The following NELL2 variants were observed in gnomAD, a reference collection of about 807,000 sequenced individuals.
The protein encoded by NELL2 is protein kinase C-binding protein NELL2.
In NELL2, 41 loss-of-function variants were observed where a neutral mutation model predicts 109.6. That is an observed-to-expected ratio of 0.37 (90% CI 0.29 to 0.49). The LOEUF (loss-of-function observed/expected upper bound fraction) is 0.49. NELL2 is among the 20% of genes least tolerant of loss of function. The probability of loss-of-function intolerance (pLI) is 0.98; values close to 1 mark genes in which losing one functional copy is unlikely to be tolerated. For missense variants in NELL2, 900 were observed against 1,008.3 expected (o/e 0.89, Z 1.45); for synonymous variants, 355 against 344.7 (o/e 1.03, Z -0.33).
intron 12 of NELL2, among the ~76,000 whole-genome samples, chr12:44,692,272 A>G (rs1050861201): frequency 6.6e-6 from 1 of 152,188 alleles, no homozygotes; most frequent in African/African-American, 2.4e-5. Flanking sequence ...AAATGGAACA[A>G]TGAAGCCTAG....
chr12:44,656,743 T>C (rs7968076), intron 13 of NELL2, among the ~76,000 whole-genome samples: 89,569 of 152,048 alleles, frequency 0.59, 27,100 homozygotes, highest in African/African-American at 0.73. Context: ...TTCTTACTTC[T>C]TTTACCATTT....
intron 13 of NELL2, among the ~76,000 whole-genome samples, chr12:44,634,303 CT>C (rs1414534007): frequency 1.6e-4 from 25 of 152,074 alleles, no homozygotes; most frequent in Non-Finnish European, 3.5e-4. Flanking sequence ...GGTATTTCTG[CT>C]AATGCTATCC....
chr12:44,656,218 G>C (rs1188809814), intron 13 of NELL2, among the ~76,000 whole-genome samples: 1 of 152,074 alleles, frequency 6.6e-6, no homozygotes, highest in African/African-American at 2.4e-5. Flanking sequence ...TTTAGTCCCT[G>C]GGTATCACAA....
intron 15 of NELL2, among the ~76,000 whole-genome samples, chr12:44,570,616 T>G (rs1187917467): frequency 6.6e-6 from 1 of 152,154 alleles, no homozygotes; most frequent in East Asian, 1.9e-4. Context: ...AACTCAAAAT[T>G]TTACACTAAT....
At chr12:44,653,439 G>A (rs1000444335) in intron 13 of NELL2, among the ~76,000 whole-genome samples, 1 of 152,184 alleles carries the variant, frequency 6.6e-6, no homozygotes, top group Non-Finnish European at 1.5e-5. Context: ...GGGGGCCAGG[G>A]AAAGATCACG....
chr12:44,650,205 C>T (rs1310540733), intron 13 of NELL2, among the ~76,000 whole-genome samples: 2 of 152,016 alleles, frequency 1.3e-5, no homozygotes, highest in East Asian at 3.9e-4. Flanking sequence ...TCATTGACTG[C>T]TATTCCCTTT....
intron 2 of NELL2, among the ~76,000 whole-genome samples, chr12:44,829,367 G>C (rs192309126): frequency 6.6e-6 from 1 of 152,218 alleles, no homozygotes; most frequent in South Asian, 2.1e-4. Context: ...TTAAGAATCA[G>C]TAATTTGCTA....
At chr12:44,591,913 TA>T (rs1944767143) in intron 15 of NELL2, among the ~76,000 whole-genome samples, 1 of 152,158 alleles carries the variant, frequency 6.6e-6, no homozygotes, top group Admixed American at 6.5e-5. Flanking sequence ...CTTAAAATTT[TA>T]AAAATTAAAG....
At chr12:44,777,366 T>C in intron 5 of NELL2, 52 bp from the exon 6 acceptor site, 2 of 1,407,852 alleles carry the variant, frequency 1.4e-6, no homozygotes, top group South Asian at 1.2e-5. Context: ...TTACCCAAAT[T>C]ATGTTCAATG....
At chr12:44,794,890 G>A (rs1942564650) in intron 3 of NELL2, among the ~76,000 whole-genome samples, 1 of 149,950 alleles carries the variant, frequency 6.7e-6, no homozygotes, top group African/African-American at 2.5e-5. Flanking sequence ...TGTCACACTT[G>A]AACATATCTT....
intron 9 of NELL2, among the ~76,000 whole-genome samples, chr12:44,744,144 A>T (rs928583169): frequency 1.1e-4 from 16 of 152,140 alleles, no homozygotes; most frequent in Admixed American, 5.2e-4. Flanking sequence ...GGATTAAGAA[A>T]CTCACTCAAA....
At chr12:44,786,860 G>A (rs1028074781) in intron 3 of NELL2, among the ~76,000 whole-genome samples, 4 of 151,940 alleles carry the variant, frequency 2.6e-5, no homozygotes, top group African/African-American at 7.3e-5. Flanking sequence ...AGAACATCAC[G>A]TACCGGGGCC....
At chr12:44,809,612 T>C (rs1419665156) in intron 3 of NELL2, among the ~76,000 whole-genome samples, 1 of 152,190 alleles carries the variant, frequency 6.6e-6, no homozygotes, top group East Asian at 1.9e-4. Context: ...AGGAACACCA[T>C]TTGAAACCAG....
At chr12:44,627,819 A>G (rs1387593959) in intron 13 of NELL2, among the ~76,000 whole-genome samples, 1 of 152,254 alleles carries the variant, frequency 6.6e-6, no homozygotes, top group African/African-American at 2.4e-5. Flanking sequence ...GCTCTTCTGC[A>G]AGTACATTCA....
chr12:44,872,090 A>G (rs1945179758), intron 2 of NELL2, among the ~76,000 whole-genome samples: 1 of 152,180 alleles, frequency 6.6e-6, no homozygotes, highest in Admixed American at 6.5e-5. Context: ...GAGGAAAAAA[A>G]CATTATTATG....
At chr12:44,573,877 T>G (rs992398031) in intron 15 of NELL2, among the ~76,000 whole-genome samples, 3 of 152,142 alleles carry the variant, frequency 2.0e-5, no homozygotes, top group African/African-American at 7.2e-5. Context: ...TATACCAGTT[T>G]CTAGGAGATT....
chr12:44,656,410 T>C (rs924836887), intron 13 of NELL2, among the ~76,000 whole-genome samples: 8 of 152,188 alleles, frequency 5.3e-5, no homozygotes, highest in African/African-American at 1.9e-4. Context: ...AGCTATCTCA[T>C]GTAAGTTTAC....
At chr12:44,789,386 T>C (rs1394495197) in intron 3 of NELL2, among the ~76,000 whole-genome samples, 1 of 152,110 alleles carries the variant, frequency 6.6e-6, no homozygotes, top group Non-Finnish European at 1.5e-5. Context: ...TAACAATCAC[T>C]GCAGCTTCAC....
chr12:44,712,312 T>C (rs1938247022), intron 10 of NELL2, among the ~76,000 whole-genome samples: 1 of 152,014 alleles, frequency 6.6e-6, no homozygotes, highest in Non-Finnish European at 1.5e-5. Flanking sequence ...TCCTGGCTCA[T>C]TTATGTAAAG....
Sources: gnomAD v4.1 joint callset for allele counts (sites outside exome capture counted in the v4.1 genomes callset) on GRCh38, gnomAD v4.1.1 for gene constraint, MANE v1.5 for transcripts, NCBI Gene and HGNC (gene_info 2026-07-23, HGNC 2026-07-21) for gene names.